ARHGAP22: variants seen among roughly 807,000 people sequenced by gnomAD.
ARHGAP22 encodes Rho GTPase activating protein 22, also known as rho GTPase-activating protein 22.
ARHGAP22 carries 48 observed loss-of-function variants against 59.1 expected under a neutral mutation model. The ratio of observed to expected loss-of-function variants is 0.81; its 90% confidence interval spans 0.64 to 1.03. The LOEUF (loss-of-function observed/expected upper bound fraction) is 1.03. Ranked by LOEUF, ARHGAP22 falls within the 50% of genes least tolerant of loss-of-function variation. The probability of loss-of-function intolerance (pLI) is 0.00; values close to 1 mark genes in which losing one functional copy is unlikely to be tolerated. For synonymous variants in ARHGAP22, 445 were observed against 416.4 expected (o/e 1.07, Z -0.84); for missense variants, 1,015 against 958.7 (o/e 1.06, Z -0.78).
At chr10:48,642,370 G>A (rs1390005645) in intron 1 of ARHGAP22, among the ~76,000 whole-genome samples, 1 of 152,150 alleles carries the variant, frequency 6.6e-6, no homozygotes, top group Non-Finnish European at 1.5e-5. Flanking sequence ...AAACAGCATG[G>A]TACTGGTACC....
At chr10:48,621,435 T>C (rs1207109778) in intron 1 of ARHGAP22, among the ~76,000 whole-genome samples, 8 of 152,250 alleles carry the variant, frequency 5.3e-5, no homozygotes, top group Admixed American at 4.6e-4. Flanking sequence ...ATACTTTAAG[T>C]TGGATTCTTA....
chr10:48,539,149 C>T (rs2055662576), intron 3 of ARHGAP22, among the ~76,000 whole-genome samples: 1 of 152,170 alleles, frequency 6.6e-6, no homozygotes, highest in Admixed American at 6.5e-5. Flanking sequence ...CAAAAATATG[C>T]TCATGATCCA....
At chr10:48,597,349 T>G (rs2135828520) in intron 1 of ARHGAP22, among the ~76,000 whole-genome samples, 1 of 152,184 alleles carries the variant, frequency 6.6e-6, no homozygotes, top group South Asian at 2.1e-4. Flanking sequence ...GGCATGAGAT[T>G]ACTGATTCTC....
chr10:48,522,765 A>G (rs970192332), intron 3 of ARHGAP22, among the ~76,000 whole-genome samples: 1 of 152,152 alleles, frequency 6.6e-6, no homozygotes, highest in African/African-American at 2.4e-5. Flanking sequence ...CATTCTTTCT[A>G]CAATCAGAAG....
intron 2 of ARHGAP22, among the ~76,000 whole-genome samples, chr10:48,570,251 CAA>C (rs1422681537): frequency 1.3e-5 from 2 of 152,200 alleles, no homozygotes; most frequent in African/African-American, 2.4e-5. Context: ...AAAAAAGCCA[CAA>C]AGTCTCACAG....
At chr10:48,593,659 G>A (rs935145764) in intron 1 of ARHGAP22, among the ~76,000 whole-genome samples, 2 of 152,206 alleles carry the variant, frequency 1.3e-5, no homozygotes, top group South Asian at 4.1e-4. Context: ...TCATGTGCTG[G>A]GCAAGATAGA....
At chr10:48,453,206 C>T in intron 8 of ARHGAP22, 98 bp downstream of exon 8, 1 of 1,559,884 alleles carries the variant, frequency 6.4e-7, no homozygotes, top group African/African-American at 1.4e-5. Context: ...TCCTGCTGGC[C>T]TGGCCCTGGG....
intron 1 of ARHGAP22, among the ~76,000 whole-genome samples, chr10:48,601,921 G>C (rs1589112996): frequency 6.6e-6 from 1 of 152,176 alleles, no homozygotes; most frequent in South Asian, 2.1e-4. Context: ...AGCTCTCATG[G>C]AGATGTACAG....
intron 1 of ARHGAP22, among the ~76,000 whole-genome samples, chr10:48,589,191 T>C (rs1229019300): frequency 1.3e-5 from 2 of 152,144 alleles, no homozygotes; most frequent in Non-Finnish European, 2.9e-5. Flanking sequence ...CCAACCTGAA[T>C]TGGATCTCAG....
chr10:48,436,826 G>A, the ARHGAP22 span: 28 of 152,274 alleles, frequency 1.8e-4, no homozygotes, highest in African/African-American at 6.5e-4. Flanking sequence ...ACAACAAGGT[G>A]CATTAATTTG....
At chr10:48,586,802 C>T (rs897703286) in intron 1 of ARHGAP22, among the ~76,000 whole-genome samples, 7 of 152,198 alleles carry the variant, frequency 4.6e-5, no homozygotes, top group East Asian at 1.9e-4. Context: ...GACGTCTGCT[C>T]GCTCCATTTG....
intron 4 of ARHGAP22, among the ~76,000 whole-genome samples, chr10:48,469,235 G>A (rs778650048): frequency 6.6e-5 from 10 of 152,200 alleles, no homozygotes; most frequent in Non-Finnish European, 1.0e-4. Flanking sequence ...AGAAGGCTCC[G>A]GCAGGCACTG....
intron 3 of ARHGAP22, among the ~76,000 whole-genome samples, chr10:48,494,492 C>T (rs192297274): frequency 6.6e-5 from 10 of 152,340 alleles, no homozygotes; most frequent in Non-Finnish European, 1.2e-4. Context: ...CAAGGGGCTA[C>T]GCCTGTGCCG....
At chr10:48,543,535 G>GT (rs997459694) in intron 3 of ARHGAP22, among the ~76,000 whole-genome samples, 10 of 152,050 alleles carry the variant, frequency 6.6e-5, no homozygotes, top group East Asian at 1.9e-4. Context: ...TAAGTATAAA[G>GT]TTTTTTTTCT....
chr10:48,431,513 CTT>C, the ARHGAP22 span, among the ~76,000 whole-genome samples: 8 of 152,228 alleles, frequency 5.3e-5, no homozygotes, highest in South Asian at 2.1e-4. Flanking sequence ...AATTTAAAAA[CTT>C]TTTGTTGGCA....
chr10:48,488,793 G>T (rs2050092777), intron 3 of ARHGAP22, among the ~76,000 whole-genome samples: 2 of 152,200 alleles, frequency 1.3e-5, no homozygotes, highest in South Asian at 4.1e-4. Flanking sequence ...TGCACATGGT[G>T]ACGAGTGCAT....
chr10:48,638,470 T>C (rs1235155252), intron 1 of ARHGAP22, among the ~76,000 whole-genome samples: 1 of 152,108 alleles, frequency 6.6e-6, no homozygotes, highest in Non-Finnish European at 1.5e-5. Flanking sequence ...CTTGTACCAC[T>C]AAAACTAATC....
chr10:48,570,934 G>A (rs1172911532), intron 2 of ARHGAP22, among the ~76,000 whole-genome samples: 1 of 152,232 alleles, frequency 6.6e-6, no homozygotes, highest in Non-Finnish European at 1.5e-5. Flanking sequence ...AAACTGCCCT[G>A]CTCTGGCCAG....
intron 5 of ARHGAP22, among the ~76,000 whole-genome samples, chr10:48,455,647 G>A (rs1385610496): frequency 6.6e-6 from 1 of 152,228 alleles, no homozygotes; most frequent in Non-Finnish European, 1.5e-5. Context: ...CCTGCAAGAC[G>A]ATGTGGGAGC....
Sources: gnomAD v4.1 joint callset for allele counts (sites outside exome capture counted in the v4.1 genomes callset) on GRCh38, gnomAD v4.1.1 for gene constraint, MANE v1.5 for transcripts, NCBI Gene and HGNC (gene_info 2026-07-23, HGNC 2026-07-21) for gene names.